PDE1A: variants seen among roughly 807,000 people sequenced by gnomAD.
PDE1A encodes dual specificity calcium/calmodulin-dependent 3',5'-cyclic nucleotide phosphodiesterase 1A.
A neutral mutation model predicts 61.7 loss-of-function variants in PDE1A; 35 were observed. The observed-to-expected ratio is 0.57, with a 90% CI of 0.43 to 0.75. PDE1A has a LOEUF of 0.75. PDE1A is among the 30% of genes least tolerant of loss of function. The pLI, the probability that PDE1A is intolerant of heterozygous loss-of-function variation, is 0.00. For missense variants in PDE1A, 597 were observed against 630.6 expected (o/e 0.95, Z 0.57); for synonymous variants, 232 against 213.2 (o/e 1.09, Z -0.77).
In PDE1A at chr2:182,479,875, C is replaced by A. The variant is rs377427406; in HGVS notation, c.101+42401G>T. 1.1e-4 allele frequency among the ~76,000 whole-genome samples: 17 copies of A among 151,112 alleles called. No individual in the cohort carries two copies. In the East Asian group the frequency reaches 1.4e-3, roughly 12 times the overall value. On this transcript the variant is annotated intron_variant, in intron 2 of 14. Transcript: ENST00000410103. ...CAGAAGTCATTTGATTCTTTATGTA[C>A]ATAGGAAGAAAGGACTAAGTATGAA...
intron 2 of PDE1A, among the ~76,000 whole-genome samples, chr2:182,468,248 T>C (rs1686799983): frequency 6.6e-6 from 1 of 152,064 alleles, no homozygotes; most frequent in Non-Finnish European, 1.5e-5. Flanking sequence ...GTAGAACTTC[T>C]TTTGAAATTG....
intron 1 of PDE1A, among the ~76,000 whole-genome samples, chr2:182,366,188 C>T (rs1699829231): frequency 6.6e-6 from 1 of 151,970 alleles, no homozygotes; most frequent in African/African-American, 2.4e-5. Flanking sequence ...GCTATTTTGA[C>T]TTTTTTAGTC....
chr2:182,523,552 C>T (rs886292896), upstream of PDE1A, among the ~76,000 whole-genome samples: 2 of 152,014 alleles, frequency 1.3e-5, no homozygotes, highest in African/African-American at 2.4e-5. Flanking sequence ...GTTTGAAAAC[C>T]CAGATGTAGT....
At position 182,157,687 on chromosome 2, in the gene PDE1A, A is replaced by C. The variant is rs1483686472; in HGVS notation, c.1517-10535T>G. Among the ~76,000 whole-genome samples, 6 of 152,320 alleles carry C rather than the reference A, an allele frequency of 3.9e-5. No individual in the cohort carries two copies. The South Asian group carries it at 1.0e-3, about 26-fold the overall frequency. On this transcript the variant is annotated intron_variant, in intron 13 of 13. Coordinates refer to the PDE1A transcript ENST00000409365. ...TATTCACCATGTAAGTATCTGTTAC[A>C]GAAGAACAAGTCATCAAATGCTGGT...
At chr2:182,426,607 C>G in exon 1 of PDE1A, 1 of 1,612,380 alleles carries the variant, frequency 6.2e-7, no homozygotes. Context: ...GATGTTTCTT[C>G]CTGATTGTGA....
intron 13 of PDE1A, among the ~76,000 whole-genome samples, chr2:182,173,407 T>G (rs2125333946): frequency 6.6e-6 from 1 of 152,114 alleles, no homozygotes; most frequent in South Asian, 2.1e-4. Flanking sequence ...ATATCACTTC[T>G]TAGAACTTCA....
intron 2 of PDE1A, among the ~76,000 whole-genome samples, chr2:182,485,914 C>T (rs1312403913): frequency 1.3e-5 from 2 of 151,986 alleles, no homozygotes; most frequent in African/African-American, 4.8e-5. Flanking sequence ...AGGGCATCTG[C>T]CTGCTTCACT....
intron 2 of PDE1A, among the ~76,000 whole-genome samples, chr2:182,244,589 C>G (rs1289381369): frequency 7.2e-6 from 1 of 139,854 alleles, no homozygotes; most frequent in African/African-American, 2.7e-5. Flanking sequence ...ATTATTTTTT[C>G]TACAGAATTG....
At chr2:182,662,353 A>C in the PDE1A span, among the ~76,000 whole-genome samples, 5 of 133,724 alleles carry the variant, frequency 3.7e-5, no homozygotes, top group South Asian at 2.2e-4. Flanking sequence ...AAAAAAAAAC[A>C]AAAAAAAACT....
the PDE1A span, among the ~76,000 whole-genome samples, chr2:182,700,750 A>AAAAAAAAC: frequency 4.8e-5 from 7 of 144,676 alleles, no homozygotes; most frequent in African/African-American, 1.8e-4. Flanking sequence ...ACAGAAAGAA[A>AAAAAAAAC]AGAAAAAGAA....
At chr2:182,709,587 G>T in the PDE1A span, among the ~76,000 whole-genome samples, 2 of 152,178 alleles carry the variant, frequency 1.3e-5, no homozygotes, top group South Asian at 4.1e-4. Flanking sequence ...TGCTTAGCTG[G>T]AGCTTACAAA....
chr2:182,702,528 G>A, the PDE1A span, among the ~76,000 whole-genome samples: 1 of 152,180 alleles, frequency 6.6e-6, no homozygotes, highest in Non-Finnish European at 1.5e-5. Context: ...GAGGAGAAAT[G>A]CACACAGAAG....
At chr2:182,156,305 C>T (rs954604964) in intron 13 of PDE1A, among the ~76,000 whole-genome samples, 2 of 151,978 alleles carry the variant, frequency 1.3e-5, no homozygotes, top group Non-Finnish European at 2.9e-5. Flanking sequence ...GTGTACCAAG[C>T]ACTGTGCTTA....
At position 182,170,142 on chromosome 2, in the gene PDE1A, G is replaced by A. The variant is rs546986665; in HGVS notation, c.1517-1852C>T. Among the ~76,000 whole-genome samples, 8 of 152,024 alleles carry A rather than the reference G, an allele frequency of 5.3e-5. No homozygotes were observed. The South Asian group carries it at 1.2e-3, about 24-fold the overall frequency. The stretch of plus-strand genomic sequence containing the variant: ...AATTAACTTCTAGAACATGATACAG[G>A]TTACTGGTTTTGAATTTGGGCAAAA... On this transcript the variant is annotated intron_variant, in intron 13 of 13. Coordinates refer to ENST00000351439, the Ensembl canonical transcript of PDE1A.
intron 1 of PDE1A, among the ~76,000 whole-genome samples, chr2:182,269,552 C>T (rs955210763): frequency 2.0e-5 from 3 of 151,664 alleles, no homozygotes; most frequent in African/African-American, 7.3e-5. Context: ...ATATTTTATA[C>T]ATACTTTTCC....
chr2:182,195,489 A>G (rs1278691250), intron 10 of PDE1A, among the ~76,000 whole-genome samples: 1 of 152,104 alleles, frequency 6.6e-6, no homozygotes, highest in Non-Finnish European at 1.5e-5. Flanking sequence ...AATTTGCATT[A>G]TTAGGCTTCT....
chr2:182,198,863 T>G (rs749444020), intron 10 of PDE1A, among the ~76,000 whole-genome samples: 1 of 151,954 alleles, frequency 6.6e-6, no homozygotes, highest in African/African-American at 2.4e-5. Context: ...ATAAAAGAAT[T>G]TGTGTAAAAC....
intron 1 of PDE1A, among the ~76,000 whole-genome samples, chr2:182,355,043 T>C (rs1699099124): frequency 1.3e-5 from 2 of 152,092 alleles, no homozygotes; most frequent in South Asian, 4.1e-4. Flanking sequence ...TAATGGAGTA[T>C]TTATTTTACA....
At position 182,234,913 on chromosome 2, in the gene PDE1A, T is replaced by C. The variant is rs190363905; in HGVS notation, c.351-415A>G. On this transcript the variant is annotated intron_variant, in intron 3 of 13. Transcript: ENST00000351439. ...CTAAATGTCATTAAAATATTTCCTT[T>C]ATATTTTTATATTAAAATTATAGAG... Among the ~76,000 whole-genome samples, 1,305 of 152,318 alleles carry C rather than the reference T, an allele frequency of 8.6e-3. 15 individuals carry two copies. Among genetic ancestry groups the C allele is most frequent in the South Asian group, 0.051 (246 of 4,828 alleles).
Sources: gnomAD v4.1 joint callset for allele counts (sites outside exome capture counted in the v4.1 genomes callset) on GRCh38, gnomAD v4.1.1 for gene constraint, MANE v1.5 for transcripts, NCBI Gene and HGNC (gene_info 2026-07-23, HGNC 2026-07-21) for gene names.